Variants in THSD4 observed in about 807,000 individuals in gnomAD.
THSD4 encodes thrombospondin type 1 domain containing 4, also known as thrombospondin type-1 domain-containing protein 4.
A neutral mutation model predicts 119.0 loss-of-function variants in THSD4; 69 were observed. The observed-to-expected ratio is 0.58, with a 90% CI of 0.48 to 0.71. THSD4 has a LOEUF of 0.71. Among genes scored for constraint, THSD4 ranks in the 30% least tolerant of loss-of-function variants. The probability of loss-of-function intolerance (pLI) is 0.00; values close to 1 mark genes in which losing one functional copy is unlikely to be tolerated. For synonymous variants in THSD4, 524 were observed against 540.4 expected (o/e 0.97, Z 0.42); for missense variants, 1,393 against 1,391.1 (o/e 1.00, Z -0.02).
At chr15:71,775,815 AG>A (rs1403968346) in intron 17 of THSD4, among the ~76,000 whole-genome samples, 1 of 152,218 alleles carries the variant, frequency 6.6e-6, no homozygotes, top group East Asian at 1.9e-4. Context: ...AACCATGTTG[AG>A]GGACTTTTCC....
At chr15:71,371,408 G>T (rs1284150441) in intron 6 of THSD4, among the ~76,000 whole-genome samples, 3 of 152,170 alleles carry the variant, frequency 2.0e-5, no homozygotes, top group African/African-American at 7.2e-5. Context: ...TTTTTGCAGT[G>T]GCTGGTGCTG....
intron 6 of THSD4, among the ~76,000 whole-genome samples, chr15:71,341,900 T>C (rs939245108): frequency 6.6e-6 from 1 of 152,180 alleles, no homozygotes; most frequent in African/African-American, 2.4e-5. Flanking sequence ...GATTTTTTTT[T>C]CTAAAAGTAG....
chr15:71,340,899 C>T (rs2045558611), intron 6 of THSD4, among the ~76,000 whole-genome samples: 1 of 152,066 alleles, frequency 6.6e-6, no homozygotes, highest in Admixed American at 6.6e-5. Context: ...CGTGCCCAGC[C>T]CCAGAGATTA....
Position 71,367,388 on chromosome 15 carries a change from G to A in THSD4, c.1016-44299G>A, listed in dbSNP as rs140851545. On this transcript the variant is annotated intron_variant, in intron 6 of 17. Transcript: ENST00000261862. Reference sequence around the variant, plus strand: ...TACATGTGCCATGGTGGTGTGCTGCGCACATTAACTCGTCATTTACATTAG... The same window carrying A: ...TACATGTGCCATGGTGGTGTGCTGCACACATTAACTCGTCATTTACATTAG... 4.2e-3 allele frequency among the ~76,000 whole-genome samples: 633 copies of A among 152,174 alleles called. 2 individuals carry two copies. The highest frequency in any genetic ancestry group is 0.014 in the African/African-American group (572 of 41,510).
intron 3 of THSD4, among the ~76,000 whole-genome samples, chr15:71,189,949 C>G (rs1025425477): frequency 1.3e-5 from 2 of 152,108 alleles, no homozygotes; most frequent in Non-Finnish European, 2.9e-5. Flanking sequence ...GATGCTCATC[C>G]CGCCCACGCA....
intron 6 of THSD4, among the ~76,000 whole-genome samples, chr15:71,260,519 T>C (rs1429933567): frequency 6.6e-6 from 1 of 152,194 alleles, no homozygotes; most frequent in Non-Finnish European, 1.5e-5. Flanking sequence ...AACTCTTGGT[T>C]GTAAGTGACA....
chr15:71,128,478 G>A (rs1216265460), intron 1 of THSD4, among the ~76,000 whole-genome samples: 1 of 143,920 alleles, frequency 6.9e-6, no homozygotes, highest in Non-Finnish European at 1.5e-5. Flanking sequence ...CATGAGCCAA[G>A]ATCACGCCAC....
In THSD4 at chr15:71,395,397, A is replaced by G. The variant is rs531644389; in HGVS notation, c.1016-16290A>G. ...GCCTGTGCTAAGCATGGCAGCTCAC[A>G]AGGACTGGGCAGAGGCACAGACAAT... On this transcript the variant is annotated intron_variant, in intron 6 of 17. Coordinates refer to ENST00000261862, the MANE Select transcript of THSD4 (RefSeq NM_024817.3). Among the ~76,000 whole-genome samples the G allele has an allele frequency of 2.0e-5, 3 of 152,252 alleles. No homozygotes were observed. In the South Asian group the frequency reaches 6.2e-4, roughly 32 times the overall value.
intron 3 of THSD4, among the ~76,000 whole-genome samples, chr15:71,182,068 A>G (rs1359604015): frequency 6.6e-6 from 1 of 152,110 alleles, no homozygotes; most frequent in African/African-American, 2.4e-5. Flanking sequence ...TTTTATGGCA[A>G]AAATGATATA....
intron 7 of THSD4, among the ~76,000 whole-genome samples, chr15:71,426,362 T>C (rs1168830923): frequency 7.6e-6 from 1 of 131,998 alleles, no homozygotes; most frequent in African/African-American, 2.8e-5. Context: ...TTTGTAAGTA[T>C]AGCTGTGTGT....
At chr15:71,530,640 T>C (rs1455818015) in intron 7 of THSD4, among the ~76,000 whole-genome samples, 1 of 152,210 alleles carries the variant, frequency 6.6e-6, no homozygotes, top group African/African-American at 2.4e-5. Context: ...TGAGGAACTT[T>C]AGAAAGGATC....
At chr15:71,664,387 T>G (rs969343813) in intron 8 of THSD4, among the ~76,000 whole-genome samples, 6 of 152,308 alleles carry the variant, frequency 3.9e-5, no homozygotes, top group African/African-American at 1.4e-4. Context: ...TGTGAAATAT[T>G]TGGTATTTTT....
intron 7 of THSD4, among the ~76,000 whole-genome samples, chr15:71,412,121 T>A (rs924613258): frequency 6.6e-6 from 1 of 152,228 alleles, no homozygotes; most frequent in Non-Finnish European, 1.5e-5. Flanking sequence ...CTGGAGCTCC[T>A]TCTTTGCCTG....
intron 6 of THSD4, among the ~76,000 whole-genome samples, chr15:71,262,069 T>G (rs990246492): frequency 2.0e-5 from 3 of 152,144 alleles, no homozygotes; most frequent in African/African-American, 7.2e-5. Flanking sequence ...TTGGTTTTGT[T>G]TGGATGTCTA....
At chr15:71,393,917 C>G (rs2046410662) in intron 6 of THSD4, among the ~76,000 whole-genome samples, 1 of 152,002 alleles carries the variant, frequency 6.6e-6, no homozygotes, top group South Asian at 2.1e-4. Context: ...GAGGCAATCA[C>G]TAAGATGGAA....
chr15:71,379,629 T>C (rs906646297), intron 6 of THSD4, among the ~76,000 whole-genome samples: 2 of 151,592 alleles, frequency 1.3e-5, no homozygotes, highest in African/African-American at 4.8e-5. Flanking sequence ...CGGCTAATTT[T>C]TTGTATTTTT....
At chr15:71,152,525 T>G (rs1376759490) in intron 2 of THSD4, among the ~76,000 whole-genome samples, 1 of 152,164 alleles carries the variant, frequency 6.6e-6, no homozygotes, top group Non-Finnish European at 1.5e-5. Flanking sequence ...AAGCTGGGCC[T>G]GTTGTAGCCT....
At chr15:71,326,406 G>A (rs1368177606) in intron 6 of THSD4, among the ~76,000 whole-genome samples, 2 of 151,752 alleles carry the variant, frequency 1.3e-5, no homozygotes, top group Admixed American at 1.3e-4. Context: ...GCCGGGCAGG[G>A]TGGCTCATGC....
At chr15:71,691,574 T>C (rs1047838624) in intron 8 of THSD4, among the ~76,000 whole-genome samples, 1 of 152,230 alleles carries the variant, frequency 6.6e-6, no homozygotes, top group Non-Finnish European at 1.5e-5. Flanking sequence ...TTCTCTGACC[T>C]TTATGCTCTA....
Sources: allele counts gnomAD v4.1 joint callset (sites outside exome capture counted in the v4.1 genomes callset), GRCh38; gene constraint gnomAD v4.1.1; transcripts MANE v1.5; gene names NCBI Gene and HGNC (gene_info 2026-07-23, HGNC 2026-07-21).